The following PDZRN4 variants were observed in gnomAD, a reference collection of about 807,000 sequenced individuals.
PDZRN4 encodes the protein PDZ domain-containing RING finger protein 4.
A neutral mutation model predicts 99.0 loss-of-function variants in PDZRN4; 70 were observed. The observed-to-expected ratio is 0.71, with a 90% CI of 0.58 to 0.86. The LOEUF (loss-of-function observed/expected upper bound fraction) is 0.86. Ranked by LOEUF, PDZRN4 falls within the 40% of genes least tolerant of loss-of-function variation. The pLI is 0.00. For missense variants in PDZRN4, 1,474 were observed against 1,331.2 expected, an observed-to-expected ratio of 1.11 and a Z score of -1.67; for synonymous variants, 551 against 501.6, an observed-to-expected ratio of 1.10 and a Z score of -1.32.
At chr12:41,339,360 C>G (rs1233073033) in intron 3 of PDZRN4, among the ~76,000 whole-genome samples, 1 of 151,978 alleles carries the variant, frequency 6.6e-6, no homozygotes, top group Non-Finnish European at 1.5e-5. Flanking sequence ...TGCTGGGAAA[C>G]TTGGATATCC....
At chr12:41,280,746 G>T (rs1308084511) in intron 3 of PDZRN4, among the ~76,000 whole-genome samples, 1 of 152,118 alleles carries the variant, frequency 6.6e-6, no homozygotes, top group African/African-American at 2.4e-5. Flanking sequence ...CCATCTCCCT[G>T]GGACAGAGCA....
chr12:41,344,875 G>GA lies in PDZRN4; in HGVS notation c.843+150693dup, dbSNP rs570296419. On this transcript the variant is annotated intron_variant, in intron 3 of 9. Coordinates refer to ENST00000402685, the MANE Select transcript of PDZRN4 (RefSeq NM_001164595.2). ...GTGCAGCTTTTCAAACATGTTTCAA[G>GA]AAAAAACTGTACTGAAATGTAATCA... Among the ~76,000 whole-genome samples, 877 of 151,568 alleles carry GA rather than the reference G, an allele frequency of 5.8e-3. 9 individuals are homozygous for GA. The highest frequency in any genetic ancestry group is 7.7e-3 in the Non-Finnish European group (526 of 67,900).
chr12:41,276,823 T>A (rs529809164), intron 3 of PDZRN4, among the ~76,000 whole-genome samples: 1 of 152,208 alleles, frequency 6.6e-6, no homozygotes, highest in Admixed American at 6.6e-5. Context: ...TCTTATTATC[T>A]ATCTATGGTC....
At chr12:41,309,940 AT>A (rs908867342) in intron 3 of PDZRN4, among the ~76,000 whole-genome samples, 8 of 148,990 alleles carry the variant, frequency 5.4e-5, no homozygotes, top group Non-Finnish European at 6.0e-5. Flanking sequence ...TTCTTTTTTT[AT>A]TTTTTTTTTG....
chr12:41,299,296 G>A (rs1951517280), intron 3 of PDZRN4, among the ~76,000 whole-genome samples: 1 of 152,048 alleles, frequency 6.6e-6, no homozygotes, highest in Non-Finnish European at 1.5e-5. Context: ...GAAATTAAAA[G>A]TTTCTGCAAT....
At chr12:41,549,540 A>T (rs1434457418) in intron 5 of PDZRN4, among the ~76,000 whole-genome samples, 2 of 152,164 alleles carry the variant, frequency 1.3e-5, no homozygotes, top group African/African-American at 2.4e-5. Flanking sequence ...ACAACTTCAC[A>T]CTTGGGACTG....
chr12:41,226,083 A>G (rs1419804869), intron 3 of PDZRN4, among the ~76,000 whole-genome samples: 1 of 148,388 alleles, frequency 6.7e-6, no homozygotes, highest in Non-Finnish European at 1.5e-5. Context: ...ATTTGGTGTC[A>G]TTTTTTTTTT....
At chr12:41,374,980 T>C (rs1049053338) in intron 3 of PDZRN4, among the ~76,000 whole-genome samples, 3 of 152,204 alleles carry the variant, frequency 2.0e-5, no homozygotes, top group Non-Finnish European at 4.4e-5. Flanking sequence ...TTTCTCTCTC[T>C]CTCTCTTCAA....
At chr12:41,399,736 CA>C (rs11324694) in intron 3 of PDZRN4, among the ~76,000 whole-genome samples, 3,323 of 127,168 alleles carry the variant, frequency 0.026, 90 homozygotes, top group African/African-American at 0.072. Flanking sequence ...AACTTTGTCT[CA>C]AAAAAAAAAA....
chr12:41,367,976 A>G (rs1172558856), intron 3 of PDZRN4, among the ~76,000 whole-genome samples: 2 of 152,070 alleles, frequency 1.3e-5, no homozygotes, highest in Non-Finnish European at 2.9e-5. Context: ...GCACCATAGT[A>G]CAGAGTAGGA....
At chr12:41,569,644 A>C (rs10880100) in intron 9 of PDZRN4, among the ~76,000 whole-genome samples, 50,384 of 152,094 alleles carry the variant, frequency 0.33, 8,968 homozygotes, top group Admixed American at 0.4. Context: ...ACATTCTATC[A>C]CTTTACCATG....
intron 3 of PDZRN4, among the ~76,000 whole-genome samples, chr12:41,337,921 C>CT (rs1005900477): frequency 7.2e-5 from 11 of 151,960 alleles, no homozygotes; most frequent in African/African-American, 2.2e-4. Context: ...TATGTGCTGT[C>CT]TTTTTTTTGT....
At position 41,387,609 on chromosome 12, in the gene PDZRN4, T is replaced by C. The variant is rs550896721; in HGVS notation, c.844-118847T>C. On this transcript the variant is annotated intron_variant, in intron 3 of 9. Transcript: ENST00000402685. ...TCCAACAACAACAACAACAAAAAAA[T>C]GGGCATAGGCCATGAACAGACACTT... Among the ~76,000 whole-genome samples the C allele has an allele frequency of 4.6e-5, 7 of 152,024 alleles. No homozygotes were observed. The East Asian group carries it at 1.4e-3, about 30-fold the overall frequency.
At chr12:41,554,894 G>A (rs987203894) in intron 6 of PDZRN4, among the ~76,000 whole-genome samples, 7 of 151,834 alleles carry the variant, frequency 4.6e-5, no homozygotes, top group African/African-American at 1.5e-4. Context: ...ATGTGCCCAT[G>A]AGACATAATT....
intron 3 of PDZRN4, among the ~76,000 whole-genome samples, chr12:41,283,377 A>G (rs138575217): frequency 0.015 from 2,339 of 152,298 alleles, 22 homozygotes; most frequent in Middle Eastern, 0.034. Context: ...TTAATACCCT[A>G]CTAGCCAAAA....
At chr12:41,446,287 T>C (rs1952727909) in intron 3 of PDZRN4, among the ~76,000 whole-genome samples, 1 of 128,454 alleles carries the variant, frequency 7.8e-6, no homozygotes, top group Non-Finnish European at 1.7e-5. Context: ...TGCTCTCATC[T>C]CAGTGGAAAT....
At chr12:41,359,405 C>A (rs1951949875) in intron 3 of PDZRN4, among the ~76,000 whole-genome samples, 1 of 151,976 alleles carries the variant, frequency 6.6e-6, no homozygotes, top group East Asian at 1.9e-4. Flanking sequence ...AGGCAATCTT[C>A]ATTTGGAGTT....
intron 5 of PDZRN4, among the ~76,000 whole-genome samples, chr12:41,531,958 A>T (rs920663651): frequency 1.3e-5 from 2 of 152,058 alleles, no homozygotes; most frequent in Admixed American, 1.3e-4. Context: ...AAATATATTA[A>T]TTTTTTTATG....
intron 3 of PDZRN4, among the ~76,000 whole-genome samples, chr12:41,234,853 A>G (rs553818304): frequency 6.6e-6 from 1 of 152,204 alleles, no homozygotes; most frequent in East Asian, 1.9e-4. Flanking sequence ...TTCAAAGATG[A>G]AATGTCAATG....
Sources: gnomAD v4.1 joint callset for allele counts (sites outside exome capture counted in the v4.1 genomes callset) on GRCh38, gnomAD v4.1.1 for gene constraint, MANE v1.5 for transcripts, NCBI Gene and HGNC (gene_info 2026-07-23, HGNC 2026-07-21) for gene names.